The following GLIS3 variants were observed in gnomAD, a reference collection of about 807,000 sequenced individuals.
The protein encoded by GLIS3 is zinc finger protein GLIS3.
A neutral mutation model predicts 78.6 loss-of-function variants in GLIS3; 53 were observed. The observed-to-expected ratio is 0.67, with a 90% CI of 0.54 to 0.85. The LOEUF is 0.85. Ranked by LOEUF, GLIS3 falls within the 40% of genes least tolerant of loss-of-function variation. The pLI is 0.00. For synonymous variants in GLIS3, 684 were observed against 509.9 expected, an observed-to-expected ratio of 1.34 and a Z score of -4.60; for missense variants, 1,703 against 1,231.1, an observed-to-expected ratio of 1.38 and a Z score of -5.74.
chr9:3,874,924 T>A (rs2130422849), intron 8 of GLIS3, among the ~76,000 whole-genome samples: 2 of 152,306 alleles, frequency 1.3e-5, no homozygotes, highest in South Asian at 4.1e-4. Flanking sequence ...TCAGCTCTAT[T>A]ACCTGAACGA....
chr9:4,083,579 T>C (rs1828739124), intron 4 of GLIS3, among the ~76,000 whole-genome samples: 1 of 152,252 alleles, frequency 6.6e-6, no homozygotes, highest in Admixed American at 6.5e-5. Context: ...AGCCAATCTA[T>C]AGGTAGGAAC....
In GLIS3 at chr9:4,148,548, A is replaced by C. The variant is rs140799157; in HGVS notation, c.389-22607T>G. 3.0e-3 allele frequency among the ~76,000 whole-genome samples: 459 copies of C among 152,126 alleles called. 5 individuals carry two copies. The highest frequency in any genetic ancestry group is 0.01 in the African/African-American group (435 of 41,508). On this transcript the variant is annotated intron_variant, in intron 2 of 10. Transcript: ENST00000381971. ...TGGATCAATTCTACCTCATGTATCT[A>C]TATCTCACCTTTCCCCCTAAACTGG...
At chr9:4,358,411 G>A in the GLIS3 span, among the ~76,000 whole-genome samples, 7 of 152,168 alleles carry the variant, frequency 4.6e-5, no homozygotes, top group Non-Finnish European at 7.4e-5. Flanking sequence ...TTCACAAACC[G>A]AAATGTTCAT....
intron 7 of GLIS3, among the ~76,000 whole-genome samples, chr9:3,887,429 C>T (rs918562428): frequency 2.6e-5 from 4 of 152,096 alleles, no homozygotes; most frequent in African/African-American, 9.7e-5. Flanking sequence ...GTAGAACATG[C>T]CTATTAACTT....
At chr9:4,006,178 T>A (rs760539197) in intron 4 of GLIS3, among the ~76,000 whole-genome samples, 1 of 152,084 alleles carries the variant, frequency 6.6e-6, no homozygotes, top group Non-Finnish European at 1.5e-5. Flanking sequence ...GGATCTCTAA[T>A]GTTAGGCCCT....
intron 2 of GLIS3, among the ~76,000 whole-genome samples, chr9:4,181,231 C>A (rs1817295774): frequency 6.6e-6 from 1 of 152,238 alleles, no homozygotes; most frequent in Non-Finnish European, 1.5e-5. Flanking sequence ...AGGCCCCACC[C>A]ATCTGCTGGA....
chr9:3,897,101 A>G lies in GLIS3; in HGVS notation c.2128+1590T>C, dbSNP rs142032153. ...AAATGAGCCATATGCTGTATGCTACATACAACAAAGGTGCTAATGTTTTCC... is the reference window on the plus strand; with the variant it reads ...AAATGAGCCATATGCTGTATGCTACGTACAACAAAGGTGCTAATGTTTTCC... On this transcript the variant is annotated intron_variant, in intron 7 of 10. Coordinates refer to ENST00000381971, the MANE Select transcript of GLIS3 (RefSeq NM_001042413.2). Among the ~76,000 whole-genome samples the G allele has an allele frequency of 7.6e-3, 1,153 of 152,366 alleles. 8 individuals carry two copies. Among genetic ancestry groups the G allele is most frequent in the South Asian group, 0.02 (98 of 4,826 alleles).
chr9:4,480,207 T>A, the GLIS3 span, among the ~76,000 whole-genome samples: 1 of 144,190 alleles, frequency 6.9e-6, no homozygotes, highest in Admixed American at 6.9e-5. Flanking sequence ...TTTCTTTTTT[T>A]TTTTTTTTTT....
At chr9:3,912,250 G>C (rs916820578) in intron 6 of GLIS3, among the ~76,000 whole-genome samples, 3 of 152,120 alleles carry the variant, frequency 2.0e-5, no homozygotes, top group African/African-American at 7.2e-5. Flanking sequence ...ACCTTTCTTA[G>C]TAACTCACTG....
the GLIS3 span, among the ~76,000 whole-genome samples, chr9:4,448,129 A>T: frequency 6.6e-6 from 1 of 152,028 alleles, no homozygotes; most frequent in Non-Finnish European, 1.5e-5. Flanking sequence ...TTAAACTCTC[A>T]TGTGATTCCT....
upstream of GLIS3, among the ~76,000 whole-genome samples, chr9:4,351,972 G>A (rs951236647): frequency 2.6e-5 from 4 of 152,196 alleles, no homozygotes; most frequent in African/African-American, 9.6e-5. Flanking sequence ...GTAACTCCTA[G>A]AGGGTTAATA....
At chr9:3,878,664 G>A (rs1361978541) in intron 8 of GLIS3, 1 of 152,152 alleles carries the variant, frequency 6.6e-6, no homozygotes, top group South Asian at 2.1e-4. Context: ...CAGATGACAA[G>A]TGGAGAGAGG....
intron 4 of GLIS3, among the ~76,000 whole-genome samples, chr9:4,055,658 G>A (rs1041327410): frequency 3.3e-5 from 5 of 152,170 alleles, no homozygotes; most frequent in Non-Finnish European, 5.9e-5. Flanking sequence ...AGGAAACGAG[G>A]AATGATGGTG....
chr9:4,283,909 C>T (rs1827770426), intron 2 of GLIS3, among the ~76,000 whole-genome samples: 1 of 152,142 alleles, frequency 6.6e-6, no homozygotes. Flanking sequence ...TATGCATGTG[C>T]CAACCATGCA....
rs146202777 is a variant in GLIS3 at position 4,175,659 on chromosome 9, G to A, written c.389-49718C>T. On this transcript the variant is annotated intron_variant, in intron 2 of 10. Transcript: ENST00000381971. Reference sequence around the variant, plus strand: ...TTCTGATTCTACCCAAGTCCCCACTGTACTGGATAAGAAATAAATTTTCAA... The same window carrying A: ...TTCTGATTCTACCCAAGTCCCCACTATACTGGATAAGAAATAAATTTTCAA... 6.2e-3 allele frequency among the ~76,000 whole-genome samples: 938 copies of A among 152,240 alleles called. 19 individuals carry two copies. Among genetic ancestry groups the A allele is most frequent in the Admixed American group, 0.05 (758 of 15,284 alleles).
chr9:4,125,355 A>G (rs1832490027), intron 3 of GLIS3, among the ~76,000 whole-genome samples: 1 of 152,184 alleles, frequency 6.6e-6, no homozygotes, highest in African/African-American at 2.4e-5. Flanking sequence ...CATCATATTC[A>G]TAGAAAACCT....
chr9:4,441,965 G>C, the GLIS3 span, among the ~76,000 whole-genome samples: 1 of 152,130 alleles, frequency 6.6e-6, no homozygotes, highest in African/African-American at 2.4e-5. Context: ...GTTGGCTTTA[G>C]AGAAAGAGTA....
At chr9:3,856,271 CATTCTGGCT>C in intron 8 of GLIS3, 87 bp from the exon 9 acceptor site, 1 of 1,188,416 alleles carries the variant, frequency 8.4e-7, no homozygotes, top group South Asian at 1.3e-5. Flanking sequence ...TCTCACCTCC[CATTCTGGCT>C]ATACAAGAGC....
the GLIS3 span, among the ~76,000 whole-genome samples, chr9:4,408,429 T>TTAA: frequency 6.7e-5 from 9 of 134,234 alleles, no homozygotes; most frequent in Non-Finnish European, 1.1e-4. Context: ...TAATGGATAT[T>TTAA]AAAAAAAAAA....
Sources: allele counts gnomAD v4.1 joint callset (sites outside exome capture counted in the v4.1 genomes callset), GRCh38; gene constraint gnomAD v4.1.1; transcripts MANE v1.5; gene names NCBI Gene and HGNC (gene_info 2026-07-23, HGNC 2026-07-21).